NWD1: variants seen among roughly 807,000 people sequenced by gnomAD.
NWD1 encodes the protein NACHT domain- and WD repeat-containing protein 1.
NWD1 carries 129 observed loss-of-function variants against 135.1 expected under a neutral mutation model. The observed-to-expected ratio is 0.96, with a 90% CI of 0.83 to 1.11. The LOEUF (loss-of-function observed/expected upper bound fraction) is 1.11, where lower values mean the gene tolerates loss of function less well. Among genes scored for constraint, NWD1 ranks in the 50% least tolerant of loss-of-function variants. NWD1 has a pLI of 0.00. For synonymous variants in NWD1, 773 were observed against 786.0 expected (o/e 0.98, Z 0.28); for missense variants, 1,740 against 1,851.3 (o/e 0.94, Z 1.10).
At chr19:16,765,320 T>C (rs1969184089) in intron 10 of NWD1, 128 bp downstream of exon 10, 1 of 979,084 alleles carries the variant, frequency 1.0e-6, no homozygotes, top group African/African-American at 1.6e-5. Context: ...ACATGTGAAT[T>C]TTCCCCCAGC....
chr19:16,782,456 A>G (rs1219207947), intron 12 of NWD1, among the ~76,000 whole-genome samples: 1 of 151,938 alleles, frequency 6.6e-6, no homozygotes, highest in East Asian at 1.9e-4. Context: ...ACAGAGTGAG[A>G]CCTTGTTTCC....
intron 3 of NWD1, among the ~76,000 whole-genome samples, chr19:16,733,998 G>T (rs572618132): frequency 6.6e-6 from 1 of 152,068 alleles, no homozygotes. Flanking sequence ...GGACTGTTCC[G>T]AGTTGTCTTT....
chr19:16,809,783 T>G (rs964058420), intron 18 of NWD1, among the ~76,000 whole-genome samples: 2 of 151,758 alleles, frequency 1.3e-5, no homozygotes, highest in Non-Finnish European at 2.9e-5. Context: ...GGTCTCAATC[T>G]CCTGACCTCG....
intron 7 of NWD1, 101 bp downstream of exon 7, chr19:16,759,529 C>T (rs1361076686): frequency 2.0e-5 from 16 of 818,706 alleles, no homozygotes; most frequent in Admixed American, 6.9e-5. Context: ...CTTCACTTAC[C>T]ATTCCCAGGG....
rs779664264 is a variant in NWD1, at chr19:16,789,184, C to A, written c.2934C>A (p.Gly978=). Residue 978 remains glycine (G), a synonymous_variant, in exon 13 of 19, where the codon GGC becomes GGA. Coordinates refer to ENST00000524140, the MANE Select transcript of NWD1 (RefSeq NM_001007525.5). The part of the protein sequence containing the change: ...EAHKVVYSAS[G]SKINAWNLET... ...ACAAAGTTGTGTATTCAGCATCTGG[C>A]TCAAAGGTAACAAACATATGCCCTG... is the stretch of plus-strand genomic sequence containing the variant. 4 of 1,612,254 alleles carry A rather than the reference C, an allele frequency of 2.5e-6. 1 individual carries two copies. In the Admixed American group the frequency reaches 6.7e-5, roughly 27 times the overall value.
intron 18 of NWD1, among the ~76,000 whole-genome samples, chr19:16,810,630 G>T (rs1294612157): frequency 6.6e-6 from 1 of 151,838 alleles, no homozygotes; most frequent in Non-Finnish European, 1.5e-5. Context: ...AGGTGTGGAG[G>T]TGTGTGCCTG....
intron 17 of NWD1, among the ~76,000 whole-genome samples, chr19:16,802,947 C>CAAA (rs59153702): frequency 0.073 from 5,929 of 81,766 alleles, 194 homozygotes; most frequent in African/African-American, 0.12. Context: ...GACTCTGTCT[C>CAAA]AAAAAAAAAA....
chr19:16,799,722 G>T (rs556689233), intron 16 of NWD1, among the ~76,000 whole-genome samples, 164 bp from the exon 17 acceptor site: 2 of 151,856 alleles, frequency 1.3e-5, no homozygotes, highest in East Asian at 3.9e-4. Flanking sequence ...TGGTCAGGCT[G>T]GTCTCGAACT....
rs760122543 is a variant in NWD1 at position 16,765,177 on chromosome 19, G to C, written c.2395G>C (p.Glu799Gln). 1 of 1,614,100 alleles carries C rather than the reference G, an allele frequency of 6.2e-7. No homozygotes were observed. The highest frequency in any genetic ancestry group is 2.2e-5 in the East Asian group (1 of 44,884). The change falls in exon 10 of 19, where the codon GAG (glutamate) becomes CAG (glutamine). Residue 799 changes from glutamate (E) to glutamine (Q), a missense_variant. Transcript: ENST00000524140. ...CCTCCAGCTCTGCCGCCCTGCTGTG[G>C]AGCTCCGAGGCATGGGTGAGTCCAG... ...EALQLCRPAVELRGMERSLLY... is the reference protein window; with the variant it reads ...EALQLCRPAVQLRGMERSLLY...
In NWD1 at chr19:16,749,694, T is replaced by A; in HGVS notation, c.1052T>A (p.Met351Lys). 1 of 1,602,058 alleles carries A rather than the reference T, an allele frequency of 6.2e-7. No individual in the cohort carries two copies. Among genetic ancestry groups the A allele is most frequent in the Non-Finnish European group, 8.5e-7 (1 of 1,173,020 alleles). ...GPPGIGKTAL[M>K]CKLAEQMPRL... ...CCAGGCATTGGAAAGACAGCCCTGATGTGCAAGCTGGCTGAGCAGATGCCA... is the reference window on the plus strand; with the variant it reads ...CCAGGCATTGGAAAGACAGCCCTGAAGTGCAAGCTGGCTGAGCAGATGCCA... Residue 351 changes from methionine (M) to lysine (K), a missense_variant, in exon 6 of 19, where the codon ATG (methionine) becomes AAG (lysine). Met to Lys is a moderately conservative substitution (Grantham distance 95). Transcript: ENST00000524140.
At chr19:16,781,555 A>G (rs1461723142) in intron 12 of NWD1, among the ~76,000 whole-genome samples, 2 of 151,762 alleles carry the variant, frequency 1.3e-5, no homozygotes, top group African/African-American at 4.8e-5. Context: ...GATTGGGGCT[A>G]CAGTGAGCTG....
chr19:16,809,591 G>T (rs1167749710), intron 18 of NWD1, among the ~76,000 whole-genome samples: 1 of 130,590 alleles, frequency 7.7e-6, no homozygotes, highest in Non-Finnish European at 1.6e-5. Context: ...GTCTTGCTCT[G>T]TCACCCAGGC....
At chr19:16,801,449 C>G (rs939271967) in intron 17 of NWD1, 3 of 149,382 alleles carry the variant, frequency 2.0e-5, no homozygotes, top group Non-Finnish European at 4.5e-5. Context: ...TAAAAACAAA[C>G]AAAAAAGCCA....
At chr19:16,786,772 G>A (rs141118027) in intron 12 of NWD1, among the ~76,000 whole-genome samples, 3 of 151,800 alleles carry the variant, frequency 2.0e-5, no homozygotes, top group Non-Finnish European at 4.4e-5. Flanking sequence ...GTCTCGATTC[G>A]AACTCCTGAG....
In NWD1 at chr19:16,750,256, G is replaced by A; in HGVS notation, c.1614G>A (p.Leu538=). Residue 538 remains leucine, a synonymous_variant, in exon 6 of 19, where the codon CTG becomes CTA. Coordinates refer to ENST00000524140, the MANE Select transcript of NWD1 (RefSeq NM_001007525.5). ...GTGGGAACCCAGGGCGGCTGAGGCT[G>A]GCGTTTGAGGAAGCCCGGAAATGGG... The part of the protein sequence containing the change: ...PECGNPGRLR[L]AFEEARKWAS... 1 of 1,613,628 alleles carries A rather than the reference G, an allele frequency of 6.2e-7. No homozygotes were observed. The highest frequency in any genetic ancestry group is 8.5e-7 in the Non-Finnish European group (1 of 1,179,882).
intron 18 of NWD1, among the ~76,000 whole-genome samples, chr19:16,809,216 T>C (rs1212795399): frequency 6.6e-6 from 1 of 151,614 alleles, no homozygotes; most frequent in Non-Finnish European, 1.5e-5. Flanking sequence ...CCCAAGTAGC[T>C]GGGATTACAG....
At chr19:16,755,290 G>A (rs981974756) in intron 6 of NWD1, among the ~76,000 whole-genome samples, 8 of 151,986 alleles carry the variant, frequency 5.3e-5, no homozygotes, top group African/African-American at 1.2e-4. Context: ...ATCACAGCTC[G>A]CCGCAGTCTT....
At position 16,749,402 on chromosome 19, in the gene NWD1, A is replaced by C. The variant is rs1450073058; in HGVS notation, c.760A>C (p.Lys254Gln). The C allele has an allele frequency of 6.2e-7, 1 of 1,614,002 alleles. No individual in the cohort carries two copies. The stretch of plus-strand genomic sequence containing the variant: ...GTGGAGCCGCGACTTGGTGAACCCC[A>C]AGAACAAGACTCACGCCTGCTACCT... ...LPWSRDLVNP[K>Q]NKTHACYLKE... The change falls in exon 6 of 19, where the codon AAG becomes CAG. Residue 254 changes from lysine (K) to glutamine (Q), a missense_variant. Physicochemically the swap from Lys to Gln is moderately conservative, Grantham distance 53. Transcript: ENST00000524140.
intron 4 of NWD1, among the ~76,000 whole-genome samples, chr19:16,743,426 T>C (rs1176671063): frequency 6.6e-6 from 1 of 151,020 alleles, no homozygotes; most frequent in Non-Finnish European, 1.5e-5. Context: ...CCAGCTAGTC[T>C]CTAACTCCTG....
Sources: allele counts gnomAD v4.1 joint callset (sites outside exome capture counted in the v4.1 genomes callset), GRCh38; gene constraint gnomAD v4.1.1; transcripts MANE v1.5; gene names NCBI Gene and HGNC (gene_info 2026-07-23, HGNC 2026-07-21).